ATP11A: variants seen among roughly 807,000 people sequenced by gnomAD.
The protein encoded by ATP11A is phospholipid-transporting ATPase IH.
A neutral mutation model predicts 154.4 loss-of-function variants in ATP11A; 81 were observed. That is an observed-to-expected ratio of 0.52 (90% CI 0.44 to 0.63). ATP11A has a LOEUF of 0.63. Ranked by LOEUF, ATP11A falls within the 30% of genes least tolerant of loss-of-function variation. The probability of loss-of-function intolerance (pLI) is 0.00; values close to 1 mark genes in which losing one functional copy is unlikely to be tolerated. For missense variants in ATP11A, 1,316 were observed against 1,474.3 expected (o/e 0.89, Z 1.76); for synonymous variants, 623 against 585.9 (o/e 1.06, Z -0.91).
Position 112,753,203 on chromosome 13 carries a change from C to T in ATP11A, c.40-31932C>T, listed in dbSNP as rs1266399677. Among the ~76,000 whole-genome samples, 36 of 152,174 alleles carry T rather than the reference C, an allele frequency of 2.4e-4. 1 individual carries two copies. The highest frequency in any genetic ancestry group is 2.4e-3 in the Admixed American group (36 of 15,276). ...TGGCGTGCATGTGTCTGCACAGCTG[C>T]GTGATGTTCCCCTGTGGACTCAACC... On this transcript the variant is annotated intron_variant, in intron 1 of 29. Transcript: ENST00000375645. This position sits in a 1 kb window ranked among gnomAD's most constrained non-coding sequence, Gnocchi z 4.1.
chr13:112,717,859 C>T (rs924210739), intron 1 of ATP11A, among the ~76,000 whole-genome samples: 5 of 152,210 alleles, frequency 3.3e-5, no homozygotes, highest in African/African-American at 1.2e-4. Flanking sequence ...GGTGGATCAC[C>T]TGAGGTCAGG....
At chr13:112,758,066 TTTG>T (rs1282661588) in intron 1 of ATP11A, among the ~76,000 whole-genome samples, 6 of 152,224 alleles carry the variant, frequency 3.9e-5, no homozygotes, top group African/African-American at 7.2e-5. Context: ...TAAAGACATT[TTTG>T]TTGTTGTTTT....
In ATP11A at chr13:112,885,352, A is replaced by G. The variant is rs569798569; in HGVS notation, c.*3486A>G. ...TTCTACTGCACACATGCACACACAC[A>G]CGCACACGTACATTCACTACAAACG... On this transcript the variant is annotated 3_prime_UTR_variant, in exon 30 of 30. Coordinates refer to ENST00000375645, the MANE Select transcript of ATP11A (RefSeq NM_015205.3). The G allele has an allele frequency of 1.3e-5, 2 of 152,258 alleles. No homozygotes were observed. The highest frequency in any genetic ancestry group is 1.9e-4 in the East Asian group (1 of 5,178). 9.4% of individuals were successfully genotyped at this position (152,258 alleles called of 1,614,324 possible).
In ATP11A at chr13:112,726,604, C is replaced by G. The variant is rs78549927; in HGVS notation, c.39+36149C>G. Among the ~76,000 whole-genome samples the G allele has an allele frequency of 5.6e-3, 858 of 152,244 alleles. 6 individuals carry two copies. Among genetic ancestry groups the G allele is most frequent in the African/African-American group, 0.02 (828 of 41,530 alleles). ...CATCTGTGCTGCTGCCATGTCCTCT[C>G]TAATGCTCCAGCCGGGGGTGCTGCA... On this transcript the variant is annotated intron_variant, in intron 1 of 29. Transcript: ENST00000375645.
intron 16 of ATP11A, among the ~76,000 whole-genome samples, chr13:112,836,682 G>A (rs1242052084): frequency 1.3e-5 from 2 of 152,242 alleles, no homozygotes; most frequent in Non-Finnish European, 2.9e-5. Flanking sequence ...AATGTTCAAA[G>A]TTGCAAAGTG....
intron 16 of ATP11A, among the ~76,000 whole-genome samples, chr13:112,840,870 C>G (rs2079394475): frequency 6.6e-6 from 1 of 152,134 alleles, no homozygotes; most frequent in Admixed American, 6.5e-5. Flanking sequence ...CATGTCCCTC[C>G]CACCACCACC....
intron 28 of ATP11A, among the ~76,000 whole-genome samples, chr13:112,877,260 C>T (rs1173973622): frequency 6.6e-6 from 1 of 152,214 alleles, no homozygotes; most frequent in Non-Finnish European, 1.5e-5. Flanking sequence ...CCGCGGCCCC[C>T]AGTGCTTCAG....
chr13:112,722,023 A>G (rs568545091), intron 1 of ATP11A, among the ~76,000 whole-genome samples: 39 of 152,260 alleles, frequency 2.6e-4, no homozygotes, highest in African/African-American at 9.4e-4. Context: ...TGCAATCTGA[A>G]GGACGCTACA....
chr13:112,759,939 C>T (rs1445394717), intron 1 of ATP11A, among the ~76,000 whole-genome samples: 2 of 152,258 alleles, frequency 1.3e-5, no homozygotes, highest in South Asian at 4.1e-4. Context: ...ACAGAAAGCA[C>T]CACCTTGTCG....
intron 1 of ATP11A, among the ~76,000 whole-genome samples, chr13:112,778,685 G>GGAA (rs2077410819): frequency 6.7e-6 from 1 of 148,838 alleles, no homozygotes; most frequent in African/African-American, 2.5e-5. Context: ...ACTGGAGTGA[G>GGAA]TAGCCGCTGG....
At chr13:112,781,208 A>ATT (rs1309099070) in intron 1 of ATP11A, among the ~76,000 whole-genome samples, 1 of 148,498 alleles carries the variant, frequency 6.7e-6, no homozygotes, top group African/African-American at 2.5e-5. Context: ...TAATTTTTGT[A>ATT]TTTTTTTTTT....
chr13:112,792,704 G>A (rs945187690), intron 2 of ATP11A, among the ~76,000 whole-genome samples: 4 of 152,246 alleles, frequency 2.6e-5, no homozygotes, highest in Admixed American at 6.5e-5. Context: ...AGCCCAGCAC[G>A]CCCCGTTCCC....
chr13:112,768,876 C>T (rs923496740), intron 1 of ATP11A, among the ~76,000 whole-genome samples: 9 of 152,320 alleles, frequency 5.9e-5, no homozygotes, highest in African/African-American at 1.7e-4. Flanking sequence ...GTCCTCAGGG[C>T]GGAGTTGCTG....
intron 1 of ATP11A, among the ~76,000 whole-genome samples, chr13:112,705,069 C>G (rs1372349191): frequency 6.6e-6 from 1 of 152,224 alleles, no homozygotes; most frequent in Non-Finnish European, 1.5e-5. Flanking sequence ...GACGTGATTT[C>G]ACTCAGATAA....
chr13:112,702,547 G>A (rs1886693331), intron 1 of ATP11A, among the ~76,000 whole-genome samples: 1 of 152,190 alleles, frequency 6.6e-6, no homozygotes, highest in Non-Finnish European at 1.5e-5. Context: ...CTTGTGTTCC[G>A]CGGGCTTCTT....
chr13:112,850,941 T>C, intron 17 of ATP11A, 96 bp from the exon 18 acceptor site: 1 of 1,137,644 alleles, frequency 8.8e-7, no homozygotes, highest in South Asian at 1.5e-5. Flanking sequence ...GGTTAGTTAG[T>C]CTAATGAGAG....
chr13:112,735,878 G>T (rs889787838), intron 1 of ATP11A, among the ~76,000 whole-genome samples: 1 of 152,242 alleles, frequency 6.6e-6, no homozygotes, highest in African/African-American at 2.4e-5. Context: ...TTTCCGAGGT[G>T]CATCCATAAG....
chr13:112,753,217 G>C lies in ATP11A; in HGVS notation c.40-31918G>C, dbSNP rs909470333. On this transcript the variant is annotated intron_variant, in intron 1 of 29. Transcript: ENST00000375645. This position sits in a 1 kb window ranked among gnomAD's most constrained non-coding sequence, Gnocchi z 4.1. ...CTGCACAGCTGCGTGATGTTCCCCT[G>C]TGGACTCAACCTCCCCCGCCCCTGG... Among the ~76,000 whole-genome samples, 3 of 152,176 alleles carry C rather than the reference G, an allele frequency of 2.0e-5. No individual in the cohort carries two copies. The highest frequency in any genetic ancestry group is 2.4e-5 in the African/African-American group (1 of 41,436).
rs1186574757 is a variant in ATP11A at position 112,885,557 on chromosome 13, G to A, written c.*3691G>A. The A allele has an allele frequency of 1.3e-5, 2 of 151,614 alleles. No individual in the cohort carries two copies. Among genetic ancestry groups the A allele is most frequent in the Non-Finnish European group, 2.9e-5 (2 of 67,952 alleles). The allele number at this position is 151,614 out of a possible 1,614,324, so 9.4% of individuals were successfully genotyped here. ...ATGCACACACGTGTACACCACAAAC[G>A]AGCTCCCAGACATGTAAACACACGT... is the stretch of plus-strand genomic sequence containing the variant. On this transcript the variant is annotated 3_prime_UTR_variant, in exon 30 of 30. Coordinates refer to ENST00000375645, the MANE Select transcript of ATP11A (RefSeq NM_015205.3).
Sources: gnomAD v4.1 joint callset for allele counts (sites outside exome capture counted in the v4.1 genomes callset) on GRCh38, gnomAD v4.1.1 for gene constraint, Gnocchi (gnomAD v3.1) non-coding constraint, MANE v1.5 for transcripts, NCBI Gene and HGNC (gene_info 2026-07-23, HGNC 2026-07-21) for gene names.